NCAPH2: variants seen among roughly 807,000 people sequenced by gnomAD.
NCAPH2 encodes non-SMC condensin II complex subunit H2.
NCAPH2 carries 56 observed loss-of-function variants against 88.6 expected under a neutral mutation model. The observed-to-expected ratio is 0.63, with a 90% CI of 0.51 to 0.79. The LOEUF (loss-of-function observed/expected upper bound fraction) is 0.79. Among genes scored for constraint, NCAPH2 ranks in the 30% least tolerant of loss-of-function variants. NCAPH2 has a pLI of 0.00. For synonymous variants in NCAPH2, 378 were observed against 313.6 expected (o/e 1.21, Z -2.17); for missense variants, 794 against 792.0 (o/e 1.00, Z -0.03).
chr22:50,523,714 G>C lies in NCAPH2; in HGVS notation c.*339G>C. 1 of 1,614,190 alleles carries C rather than the reference G, an allele frequency of 6.2e-7. No homozygotes were observed. Reference sequence around the variant, plus strand: ...GTAGTAATCCGTGAAGAGGCCGTCAGGGTTGAGCAGGTAGATGGCAATGGA... The same window carrying C: ...GTAGTAATCCGTGAAGAGGCCGTCACGGTTGAGCAGGTAGATGGCAATGGA... On this transcript the variant is annotated 3_prime_UTR_variant, in exon 20 of 20. Coordinates refer to ENST00000420993, the MANE Select transcript of NCAPH2 (RefSeq NM_152299.4).
At chr22:50,511,036 C>T (rs552799710) in intron 1 of NCAPH2, among the ~76,000 whole-genome samples, 18 of 151,026 alleles carry the variant, frequency 1.2e-4, no homozygotes, top group South Asian at 8.4e-4. Flanking sequence ...TTAGTAGAGA[C>T]GGGGTTTTAC....
rs2148661520 is a variant in NCAPH2 at position 50,517,324 on chromosome 22, G to A, written c.211-103G>A. The stretch of plus-strand genomic sequence containing the variant: ...GGTGGTTTCTTGTACTGGAGGTTTG[G>A]TGGTGGTGGCCAGGCCTCGTGGGGG... On this transcript the variant is annotated intron_variant, in intron 2 of 19. Transcript: ENST00000420993. The A allele has an allele frequency of 4.3e-6, 5 of 1,173,676 alleles. No homozygotes were observed. The East Asian group carries it at 7.0e-5, about 17-fold the overall frequency. The allele number at this position is 1,173,676 out of a possible 1,614,324, so 72.7% of individuals were successfully genotyped here. A position where few individuals can be genotyped will look rare whatever the true frequency, so the allele number is the denominator to read the frequency against.
chr22:50,518,258 C>G lies in NCAPH2; in HGVS notation c.626C>G (p.Pro209Arg). The change falls in exon 7 of 20, where the codon CCC becomes CGC. Residue 209 changes from proline to arginine, a missense_variant. Physicochemically the swap from Pro to Arg is moderately radical, Grantham distance 103. Transcript: ENST00000420993. The stretch of plus-strand genomic sequence containing the variant: ...CCCATGGAACCAGCGGGCGTTTCCC[C>G]CATGCCAGGGACCCAGAAGGGTGAG... ...MSPMEPAGVSPMPGTQKDTGR... is the reference protein window; with the variant it reads ...MSPMEPAGVSRMPGTQKDTGR... 6.2e-7 allele frequency: 1 copy of G among 1,613,362 alleles called. No homozygotes were observed. The highest frequency in any genetic ancestry group is 8.5e-7 in the Non-Finnish European group (1 of 1,179,964).
intron 10 of NCAPH2, 70 bp from the exon 11 acceptor site, chr22:50,521,473 C>T (rs2069094016): frequency 6.6e-7 from 1 of 1,512,170 alleles, no homozygotes; most frequent in Non-Finnish European, 9.2e-7. Context: ...GCTGTGCATC[C>T]CCTACTCCTT....
intron 1 of NCAPH2, among the ~76,000 whole-genome samples, chr22:50,508,794 G>A (rs917086004): frequency 1.3e-5 from 2 of 152,348 alleles, no homozygotes; most frequent in East Asian, 1.9e-4. Flanking sequence ...TGTTTGAGAG[G>A]TCTGGATCAC....
intron 1 of NCAPH2, among the ~76,000 whole-genome samples, chr22:50,513,978 C>T (rs900995404): frequency 1.3e-5 from 2 of 151,976 alleles, no homozygotes; most frequent in Non-Finnish European, 2.9e-5. Flanking sequence ...ATTAGCCGGG[C>T]GCCTATAATC....
intron 1 of NCAPH2, among the ~76,000 whole-genome samples, chr22:50,508,925 G>A (rs1310928398): frequency 6.6e-6 from 1 of 152,164 alleles, no homozygotes; most frequent in African/African-American, 2.4e-5. Flanking sequence ...CCTGTGTTAA[G>A]CTGTCTGCTC....
chr22:50,522,434 G>A lies in NCAPH2; in HGVS notation c.1306+19G>A, dbSNP rs747074813. On this transcript the variant is annotated intron_variant, in intron 15 of 19. Coordinates refer to ENST00000420993, the MANE Select transcript of NCAPH2 (RefSeq NM_152299.4). ...GCAGCAGGTGGGTGCCTGCCAGGGGGTGGGGTGGGGCTTGGCACCTGCCGA... is the reference window on the plus strand; with the variant it reads ...GCAGCAGGTGGGTGCCTGCCAGGGGATGGGGTGGGGCTTGGCACCTGCCGA... 1.2e-6 allele frequency: 2 copies of A among 1,612,346 alleles called. No individual in the cohort carries two copies. The highest frequency in any genetic ancestry group is 8.5e-7 in the Non-Finnish European group (1 of 1,179,398).
chr22:50,518,294 C>CG lies in NCAPH2; in HGVS notation c.646+22dup. 2 of 1,608,636 alleles carry CG rather than the reference C, an allele frequency of 1.2e-6. No homozygotes were observed. ...ACCCAGAAGGGTGAGGGCTTGGATG[C>CG]GGGGGGCTTGGTGGGAAGGAAGGGA... On this transcript the variant is annotated intron_variant, in intron 7 of 19. Coordinates refer to ENST00000420993, the MANE Select transcript of NCAPH2 (RefSeq NM_152299.4).
chr22:50,519,609 T>G, intron 9 of NCAPH2: 2 of 1,227,132 alleles, frequency 1.6e-6, no homozygotes, highest in East Asian at 3.5e-5. Flanking sequence ...GGCCGCCGGT[T>G]GCCAAGGCGC....
rs1234567016 is a variant in NCAPH2 at position 50,524,197 on chromosome 22, C to G, written c.*822C>G. 1 of 1,608,656 alleles carries G rather than the reference C, an allele frequency of 6.2e-7. No individual in the cohort carries two copies. Among genetic ancestry groups the G allele is most frequent in the African/African-American group, 1.3e-5 (1 of 74,942 alleles). ...AGCCCTCAGGGCCAGCCAGGCCCCA[C>G]CGAGTCCAGCCCCGAACAGGCCTGT... On this transcript the variant is annotated 3_prime_UTR_variant, in exon 20 of 20. Transcript: ENST00000420993.
In NCAPH2 at chr22:50,516,622, G is replaced by C. The variant is rs2068931857; in HGVS notation, c.210+74G>C. On this transcript the variant is annotated intron_variant, in intron 2 of 19. Coordinates refer to ENST00000420993, the MANE Select transcript of NCAPH2 (RefSeq NM_152299.4). ...CACAGTCGGCTCTCCTTCTGGGGCA[G>C]GTGCAGTGGTCGTCCCGTCTGTGAC... The C allele has an allele frequency of 2.9e-6, 4 of 1,392,752 alleles. No homozygotes were observed. The South Asian group carries it at 3.5e-5, about 12-fold the overall frequency. The allele number at this position is 1,392,752 out of a possible 1,614,324, so 86.3% of individuals were successfully genotyped here.
Position 50,516,443 on chromosome 22 carries a change from G to T in NCAPH2, c.109-4G>T, listed in dbSNP as rs747565217. On this transcript the variant is annotated splice_region_variant and splice_polypyrimidine_tract_variant and intron_variant, in intron 1 of 19. Transcript: ENST00000420993. The stretch of plus-strand genomic sequence containing the variant: ...TCCCCCTGTCTTTGTGTTGTTTCTT[G>T]CAGCTGGATCAGATCTGCATTTCTT... 2 of 1,614,006 alleles carry T rather than the reference G, an allele frequency of 1.2e-6. No homozygotes were observed. Among genetic ancestry groups the T allele is most frequent in the Admixed American group, 3.3e-5 (2 of 60,024 alleles).
In NCAPH2 at chr22:50,522,527, A is replaced by T; in HGVS notation, c.1333A>T (p.Met445Leu). The T allele has an allele frequency of 6.2e-7, 1 of 1,613,608 alleles. No homozygotes were observed. Among genetic ancestry groups the T allele is most frequent in the South Asian group, 1.1e-5 (1 of 91,078 alleles). ...ADDFLEPEEY[M>L]EPEGADPREA... ...TGACTTTCTAGAGCCTGAGGAGTACATGGAGCCCGAGGGAGCAGACCCCAG... is the reference window on the plus strand; with the variant it reads ...TGACTTTCTAGAGCCTGAGGAGTACTTGGAGCCCGAGGGAGCAGACCCCAG... Residue 445 changes from methionine (M) to leucine (L), a missense_variant, in exon 16 of 20, where the codon ATG (methionine) becomes TTG (leucine). Met to Leu is a conservative substitution (Grantham distance 15). This residue lies in a region of NCAPH2 where 735 missense variants were observed against 696.3 expected (regional missense o/e 1.06). Coordinates refer to ENST00000420993, the MANE Select transcript of NCAPH2 (RefSeq NM_152299.4).
chr22:50,522,946 A>G (rs1342427510), intron 18 of NCAPH2, 24 bp downstream of exon 18: 5 of 1,612,478 alleles, frequency 3.1e-6, no homozygotes, highest in Admixed American at 1.7e-5. Context: ...GCTGGGAACC[A>G]GAGCTGTGTG....
At chr22:50,517,900 T>C in intron 5 of NCAPH2, 73 bp from the exon 6 acceptor site, 3 of 1,602,992 alleles carry the variant, frequency 1.9e-6, no homozygotes, top group Non-Finnish European at 2.6e-6. Flanking sequence ...GAAGGTGTCA[T>C]TGCCCCATGT....
rs755818579 is a variant in NCAPH2 at position 50,522,892 on chromosome 22, G to A, written c.1497G>A (p.Glu499=). The change falls in exon 18 of 20, where the codon GAG becomes GAA. Residue 499 remains glutamate, a synonymous_variant. Transcript: ENST00000420993. The part of the protein sequence containing the change: ...TELSQRIRDW[E]DTVQPLLQEQ... ...TGAGCCAGCGCATCAGGGACTGGGA[G>A]GACACAGTGCAGCCTCTGCTCCAGG... The A allele has an allele frequency of 1.2e-6, 2 of 1,613,362 alleles. No homozygotes were observed. Among genetic ancestry groups the A allele is most frequent in the Non-Finnish European group, 1.7e-6 (2 of 1,180,000 alleles).
At chr22:50,518,381 C>G in intron 7 of NCAPH2, 103 bp downstream of exon 7, 1 of 1,492,946 alleles carries the variant, frequency 6.7e-7, no homozygotes, top group Non-Finnish European at 9.0e-7. Context: ...CTTGGGAGCT[C>G]CCTGTCTCTG....
rs150429430 is a variant in NCAPH2 at position 50,523,285 on chromosome 22, C to G, written c.1728C>G (p.Ala576=). The G allele has an allele frequency of 1.2e-6, 2 of 1,606,950 alleles. No individual in the cohort carries two copies. Among genetic ancestry groups the G allele is most frequent in the Non-Finnish European group, 1.7e-6 (2 of 1,176,846 alleles). Residue 576 remains alanine, a synonymous_variant, in exon 20 of 20, where the codon GCC becomes GCG. Coordinates refer to ENST00000420993, the MANE Select transcript of NCAPH2 (RefSeq NM_152299.4). The part of the protein sequence containing the change: ...EITQQPGLEM[A]VDTMSLRLLT... Reference sequence around the variant, plus strand: ...CCCAGCAGCCCGGGCTGGAGATGGCCGTGGACACCATGTCCCTGAGACTGC... The same window carrying G: ...CCCAGCAGCCCGGGCTGGAGATGGCGGTGGACACCATGTCCCTGAGACTGC...
Sources: gnomAD v4.1 joint callset for allele counts (sites outside exome capture counted in the v4.1 genomes callset) on GRCh38, gnomAD v4.1.1 for gene constraint, gnomAD v4.1.1 regional missense constraint, MANE v1.5 for transcripts, NCBI Gene and HGNC (gene_info 2026-07-23, HGNC 2026-07-21) for gene names.